The following ATP12A variants were observed in gnomAD, a reference collection of about 807,000 sequenced individuals.
The protein encoded by ATP12A is potassium-transporting ATPase alpha chain 2.
In ATP12A, 81 loss-of-function variants were observed where a neutral mutation model predicts 111.2. The ratio of observed to expected loss-of-function variants is 0.73; its 90% CI spans 0.61 to 0.88. ATP12A has a LOEUF of 0.88. Ranked by LOEUF, ATP12A falls within the 40% of genes least tolerant of loss-of-function variation. The pLI is 0.00. For missense variants in ATP12A, 1,196 were observed against 1,313.1 expected, an observed-to-expected ratio of 0.91 and a Z score of 1.38; for synonymous variants, 498 against 499.8, an observed-to-expected ratio of 1.00 and a Z score of 0.05.
chr13:24,681,811 A>T, intron 2 of ATP12A, 91 bp downstream of exon 2: 1 of 1,487,624 alleles, frequency 6.7e-7, no homozygotes, highest in South Asian at 1.2e-5. Flanking sequence ...ACAGACATTC[A>T]GTCTGAGGGA....
chr13:24,705,589 C>T lies in ATP12A; in HGVS notation c.2019-724C>T, dbSNP rs144218317. Among the ~76,000 whole-genome samples, 330 of 152,328 alleles carry T rather than the reference C, an allele frequency of 2.2e-3. 1 individual carries two copies. Among genetic ancestry groups the T allele is most frequent in the Non-Finnish European group, 3.8e-3 (260 of 68,032 alleles). Reference sequence around the variant, plus strand: ...CACTCTGTAAATCTGAAATACCCAACGGCAAGTAATTATTACCCCTTGTTT... The same window carrying T: ...CACTCTGTAAATCTGAAATACCCAATGGCAAGTAATTATTACCCCTTGTTT... On this transcript the variant is annotated intron_variant, in intron 14 of 22. Transcript: ENST00000381946.
At chr13:24,694,721 C>A (rs1176113420) in intron 11 of ATP12A, 143 bp downstream of exon 11, 6 of 1,287,888 alleles carry the variant, frequency 4.7e-6, no homozygotes, top group Admixed American at 2.4e-5. Flanking sequence ...GGCATCTGGT[C>A]CCCTAGGTCA....
In ATP12A at chr13:24,698,734, TA is replaced by T; in HGVS notation, c.1590del (p.Glu531ArgfsTer7). 6.2e-7 allele frequency: 1 copy of T among 1,614,018 alleles called. No individual in the cohort carries two copies. Reference protein sequence around the residue: ...MVMKGAPERILEKCSTIMING... With the variant: ...MVMKGAPERIXEKCSTIMING... ...ATGAAGGGGGCCCCTGAGCGCATCCTAGAGAAATGCAGCACCATCATGATCA... is the reference window on the plus strand; with the variant it reads ...ATGAAGGGGGCCCCTGAGCGCATCCTGAGAAATGCAGCACCATCATGATCA... On this transcript the variant is annotated frameshift_variant, in exon 12 of 23. Transcript: ENST00000381946. LOFTEE classifies it high-confidence loss of function.
chr13:24,687,656 G>A (rs1214138280), intron 3 of ATP12A, among the ~76,000 whole-genome samples: 1 of 152,248 alleles, frequency 6.6e-6, no homozygotes, highest in Non-Finnish European at 1.5e-5. Context: ...CATGGGCTCA[G>A]GGCTTGGGTA....
chr13:24,703,234 T>C (rs1875469709), intron 14 of ATP12A, among the ~76,000 whole-genome samples: 1 of 151,942 alleles, frequency 6.6e-6, no homozygotes, highest in South Asian at 2.1e-4. Flanking sequence ...TTTAAACAAA[T>C]TTTGTTTGTT....
In ATP12A at chr13:24,685,240, G is replaced by A; in HGVS notation, c.169-74G>A. 1 of 1,442,610 alleles carries A rather than the reference G, an allele frequency of 6.9e-7. No individual in the cohort carries two copies. Among genetic ancestry groups the A allele is most frequent in the Non-Finnish European group, 9.8e-7 (1 of 1,024,646 alleles). The allele number at this position is 1,442,610 out of a possible 1,614,324, so 89.4% of individuals were successfully genotyped here. A position where few individuals can be genotyped will look rare whatever the true frequency, so the allele number is the denominator to read the frequency against. ...CAGGGCTGCTACTCCCAGCTTCCAT[G>A]GCTGGTCAAAGCTTGGGGCTTGAGT... is the stretch of plus-strand genomic sequence containing the variant. On this transcript the variant is annotated intron_variant, in intron 2 of 22. Coordinates refer to ENST00000381946, the MANE Select transcript of ATP12A (RefSeq NM_001676.7). This position sits in a 1 kb window ranked among gnomAD's most constrained non-coding sequence, Gnocchi z 5.5.
rs557641886 is a variant in ATP12A at position 24,690,756 on chromosome 13, C to A, written c.799+35C>A. On this transcript the variant is annotated intron_variant, in intron 7 of 22. Coordinates refer to ENST00000381946, the MANE Select transcript of ATP12A (RefSeq NM_001676.7). ...CTCTGGCTCTCAGCCCACATGTCCA[C>A]CTGTGTCCTTTCTCCCTCCTGGGCT... The A allele has an allele frequency of 1.8e-4, 280 of 1,575,692 alleles. 3 individuals carry two copies. In the South Asian group the frequency reaches 3.0e-3, roughly 17 times the overall value.
In ATP12A at chr13:24,701,964, C is replaced by A. The variant is rs750964776; in HGVS notation, c.1911C>A (p.Ile637=). The change falls in exon 14 of 23, where the codon ATC becomes ATA. Residue 637 remains isoleucine (I), a synonymous_variant. Coordinates refer to ENST00000381946, the MANE Select transcript of ATP12A (RefSeq NM_001676.7). Reference sequence around the variant, plus strand: ...TTATGGTTACTGGTGATCATCCCATCACAGCCAAAGCTATTGCCAAGAGTG... The same window carrying A: ...TTATGGTTACTGGTGATCATCCCATAACAGCCAAAGCTATTGCCAAGAGTG... ...KVIMVTGDHP[I]TAKAIAKSVG... 6.2e-7 allele frequency: 1 copy of A among 1,614,260 alleles called. No individual in the cohort carries two copies. Among genetic ancestry groups the A allele is most frequent in the South Asian group, 1.1e-5 (1 of 91,084 alleles).
At position 24,708,945 on chromosome 13, in the gene ATP12A, G is replaced by GAA. The variant is rs1555255692; in HGVS notation, c.2494-417_2494-416dup. 1.5e-4 allele frequency among the ~76,000 whole-genome samples: 21 copies of GAA among 141,756 alleles called. 1 individual carries two copies. Among genetic ancestry groups the GAA allele is most frequent in the African/African-American group, 5.6e-4 (21 of 37,422 alleles). The allele number at this position is 141,756 out of a possible 152,430, so 93.0% of individuals were successfully genotyped here. A position where few individuals can be genotyped will look rare whatever the true frequency, so the allele number is the denominator to read the frequency against. ...AGAAAGAAAGAAAGAAAGAAAGAAAGAAAGAAAGAAAGAAAGAAGGAAAGA... is the reference window on the plus strand; with the variant it reads ...AGAAAGAAAGAAAGAAAGAAAGAAAGAAAAAGAAAGAAAGAAAGAAGGAAAGA... On this transcript the variant is annotated intron_variant, in intron 17 of 22. Transcript: ENST00000381946.
At chr13:24,699,068 G>A (rs1040676476) in intron 12 of ATP12A, among the ~76,000 whole-genome samples, 1 of 152,206 alleles carries the variant, frequency 6.6e-6, no homozygotes, top group African/African-American at 2.4e-5. Flanking sequence ...AAGACTTTAT[G>A]GAAGGAGTTA....
At position 24,688,338 on chromosome 13, in the gene ATP12A, C is replaced by G. The variant is rs773266476; in HGVS notation, c.248C>G (p.Ala83Gly). 1.2e-6 allele frequency: 2 copies of G among 1,613,752 alleles called. No individual in the cohort carries two copies. Among genetic ancestry groups the G allele is most frequent in the Non-Finnish European group, 1.7e-6 (2 of 1,179,864 alleles). The change falls in exon 4 of 23, where the codon GCT becomes GGT. Residue 83 changes from alanine (A) to glycine (G), a missense_variant. Physicochemically the swap from Ala to Gly is moderately conservative, Grantham distance 60. Around this residue, in one of 3 missense-constraint regions of ATP12A, gnomAD observed 1,126 missense variants for 1,228.5 expected, o/e 0.92. Coordinates refer to ENST00000381946, the MANE Select transcript of ATP12A (RefSeq NM_001676.7). ...DIIMGLSSTR[A>G]AELLARDGPN... Reference sequence around the variant, plus strand: ...TCCCAGGGTCTCTCCAGCACCAGAGCTGCCGAGCTCCTGGCCCGGGATGGG... The same window carrying G: ...TCCCAGGGTCTCTCCAGCACCAGAGGTGCCGAGCTCCTGGCCCGGGATGGG...
rs779242576 is a variant in ATP12A at position 24,707,308 on chromosome 13, A to G, written c.2368A>G (p.Thr790Ala). 3 of 1,614,142 alleles carry G rather than the reference A, an allele frequency of 1.9e-6. No homozygotes were observed. The highest frequency in any genetic ancestry group is 2.2e-5 in the South Asian group (2 of 91,076). The change falls in exon 17 of 23, where the codon ACT becomes GCT. Residue 790 changes from threonine (T) to alanine (A), a missense_variant. This residue lies in a region of ATP12A where 1,126 missense variants were observed against 1,228.5 expected (regional missense o/e 0.92). Transcript: ENST00000381946. ...CCTGATCTTTGACAACCTCAAGAAG[A>G]CTATTGCTTATTCCCTGACCAAGAA... ...GRLIFDNLKK[T>A]IAYSLTKNIA...
At chr13:24,682,741 C>T (rs1232156780) in intron 2 of ATP12A, among the ~76,000 whole-genome samples, 3 of 152,126 alleles carry the variant, frequency 2.0e-5, no homozygotes, top group Non-Finnish European at 2.9e-5. Context: ...GGGAGGACCT[C>T]GGGCCCCATC....
chr13:24,683,789 T>C (rs1042730034), intron 2 of ATP12A, among the ~76,000 whole-genome samples: 11 of 152,290 alleles, frequency 7.2e-5, no homozygotes, highest in Non-Finnish European at 1.3e-4. Flanking sequence ...CACCAGACGA[T>C]AGATCGTTCT....
In ATP12A at chr13:24,707,110, G is replaced by T; in HGVS notation, c.2257G>T (p.Gly753Cys). 6.2e-7 allele frequency: 1 copy of T among 1,614,142 alleles called. No homozygotes were observed. Among genetic ancestry groups the T allele is most frequent in the Non-Finnish European group, 8.5e-7 (1 of 1,180,014 alleles). The change falls in exon 16 of 23, where the codon GGT becomes TGT. Residue 753 changes from glycine (G) to cysteine (C), a missense_variant. By Grantham distance (159) the Gly-to-Cys change is radical (BLOSUM62 -3). This residue lies in a region of ATP12A where 1,126 missense variants were observed against 1,228.5 expected (regional missense o/e 0.92). Transcript: ENST00000381946. ...CATTGGGATTGCCATGGGGATAGCA[G>T]GTTCTGATGCAGCCAAAAATGCAGC... ...ADIGIAMGIA[G>C]SDAAKNAADM... is the part of the protein sequence containing the mutation.
Position 24,692,878 on chromosome 13 carries a change from A to G in ATP12A, c.1359A>G (p.Glu453=). ...CNRAEFKPGQ[E]NVPIMKKAVI... is the part of the protein sequence containing the mutation. ...GAGCAGAGTTCAAGCCAGGACAGGA[A>G]AATGTCCCCATCATGAAGGTAATGC... The change falls in exon 10 of 23, where the codon GAA becomes GAG. Residue 453 remains glutamate (E), a synonymous_variant. Transcript: ENST00000381946. 2.5e-6 allele frequency: 4 copies of G among 1,614,020 alleles called. No individual in the cohort carries two copies. Among genetic ancestry groups the G allele is most frequent in the Non-Finnish European group, 3.4e-6 (4 of 1,179,862 alleles).
At chr13:24,686,971 T>A (rs1874696754) in intron 3 of ATP12A, among the ~76,000 whole-genome samples, 2 of 151,874 alleles carry the variant, frequency 1.3e-5, no homozygotes, top group Non-Finnish European at 2.9e-5. Context: ...TATTGTGAGT[T>A]ATACCAGGAG....
chr13:24,695,600 C>CTTTTTTTTTTTTTT (rs34227271), intron 11 of ATP12A, among the ~76,000 whole-genome samples: 1 of 88,420 alleles, frequency 1.1e-5, no homozygotes, highest in Admixed American at 1.4e-4. Flanking sequence ...GGGAAGAACT[C>CTTTTTTTTTTTTTT]TTTTTTTTTT....
At chr13:24,707,511 CG>C in intron 17 of ATP12A, 78 bp downstream of exon 17, 1 of 1,562,776 alleles carries the variant, frequency 6.4e-7, no homozygotes, top group Non-Finnish European at 8.7e-7. Context: ...CTTCAAGGGC[CG>C]GGGATGGACT....
Sources: gnomAD v4.1 joint callset for allele counts (sites outside exome capture counted in the v4.1 genomes callset) on GRCh38, gnomAD v4.1.1 for gene constraint, gnomAD v4.1.1 regional missense constraint, Gnocchi (gnomAD v3.1) non-coding constraint, MANE v1.5 for transcripts, NCBI Gene and HGNC (gene_info 2026-07-23, HGNC 2026-07-21) for gene names.